Variants in DPP6 observed in about 807,000 individuals in gnomAD.
The protein encoded by DPP6 is A-type potassium channel modulatory protein DPP6.
Under a neutral mutation model 122.6 loss-of-function variants are expected in DPP6, and 69 were observed. That is an observed-to-expected ratio of 0.56 (90% CI 0.46 to 0.69). The LOEUF (loss-of-function observed/expected upper bound fraction) is 0.69. Ranked by LOEUF, DPP6 falls within the 30% of genes least tolerant of loss-of-function variation. The pLI is 0.00. For missense variants in DPP6, 928 were observed against 1,116.9 expected, an observed-to-expected ratio of 0.83 and a Z score of 2.41; for synonymous variants, 418 against 433.1, an observed-to-expected ratio of 0.97 and a Z score of 0.43.
At chr7:154,452,850 C>T (rs1046189981) in intron 2 of DPP6, among the ~76,000 whole-genome samples, 7 of 152,178 alleles carry the variant, frequency 4.6e-5, no homozygotes, top group African/African-American at 1.7e-4. Context: ...TTTTAGAAAT[C>T]AAATTAAAAG....
intron 7 of DPP6, among the ~76,000 whole-genome samples, chr7:154,687,220 G>T (rs951785749): frequency 1.3e-5 from 2 of 152,090 alleles, no homozygotes; most frequent in Non-Finnish European, 2.9e-5. Context: ...ATATTATCTT[G>T]TATGAACATG....
intron 18 of DPP6, among the ~76,000 whole-genome samples, chr7:154,870,073 G>C (rs1182351070): frequency 1.3e-5 from 2 of 151,354 alleles, no homozygotes; most frequent in African/African-American, 2.4e-5. Flanking sequence ...TTGACCTCCC[G>C]AGCTCAAGTG....
intron 1 of DPP6, among the ~76,000 whole-genome samples, chr7:154,060,299 C>A (rs1386838702): frequency 2.6e-5 from 3 of 117,224 alleles, no homozygotes; most frequent in Admixed American, 8.2e-5. Flanking sequence ...TCCCTCTTCC[C>A]CCCCTGGCTC....
intron 1 of DPP6, among the ~76,000 whole-genome samples, chr7:154,180,477 A>T (rs1025146426): frequency 6.9e-6 from 1 of 145,882 alleles, no homozygotes. Flanking sequence ...TATTTATATA[A>T]TGTTATATAA....
intron 1 of DPP6, among the ~76,000 whole-genome samples, chr7:154,227,240 A>G (rs1179865923): frequency 3.3e-5 from 5 of 152,160 alleles, no homozygotes; most frequent in African/African-American, 1.2e-4. Flanking sequence ...ACCCCTAGGA[A>G]TATTAATGGG....
At chr7:154,081,227 T>A (rs78248636) in intron 1 of DPP6, among the ~76,000 whole-genome samples, 22,670 of 144,024 alleles carry the variant, frequency 0.16, 2,080 homozygotes, top group Middle Eastern at 0.25. Context: ...AGTGAGGCCC[T>A]CTGTGGGGGA....
At chr7:154,325,673 C>T (rs192308082) in intron 1 of DPP6, among the ~76,000 whole-genome samples, 53 of 152,226 alleles carry the variant, frequency 3.5e-4, no homozygotes, top group Admixed American at 2.9e-3. Flanking sequence ...GCTTTATTTT[C>T]ATTAGAAACT....
At chr7:154,337,941 G>A (rs1809575342) in intron 1 of DPP6, among the ~76,000 whole-genome samples, 2 of 152,142 alleles carry the variant, frequency 1.3e-5, no homozygotes, top group African/African-American at 2.4e-5. Flanking sequence ...TTCAGCTCTC[G>A]GCCCGTGTGG....
At chr7:154,658,664 G>A (rs1837423913) in intron 6 of DPP6, among the ~76,000 whole-genome samples, 1 of 152,216 alleles carries the variant, frequency 6.6e-6, no homozygotes, top group African/African-American at 2.4e-5. Context: ...GTGGGTGTGG[G>A]AGGGAGAGCC....
chr7:153,959,114 C>T (rs543792956), intron 1 of DPP6, among the ~76,000 whole-genome samples: 19 of 152,084 alleles, frequency 1.2e-4, no homozygotes, highest in East Asian at 1.2e-3. Context: ...CGTTCCCATC[C>T]GATGCTTCTG....
chr7:154,784,690 G>C (rs973193502), intron 10 of DPP6, among the ~76,000 whole-genome samples: 1 of 152,032 alleles, frequency 6.6e-6, no homozygotes, highest in Non-Finnish European at 1.5e-5. Flanking sequence ...AATCAGGCAG[G>C]GGTGACTCTG....
intron 10 of DPP6, among the ~76,000 whole-genome samples, chr7:154,775,010 G>A (rs913773885): frequency 3.9e-5 from 6 of 152,196 alleles, no homozygotes; most frequent in African/African-American, 1.2e-4. Flanking sequence ...GGGCAGTCCT[G>A]TGTGCCGTAG....
intron 1 of DPP6, among the ~76,000 whole-genome samples, chr7:154,270,613 A>G (rs1226742945): frequency 2.0e-5 from 3 of 152,260 alleles, no homozygotes; most frequent in Non-Finnish European, 2.9e-5. Flanking sequence ...CTTTCCTAAT[A>G]AAGGAAGTAG....
chr7:154,804,164 C>T (rs941163614), intron 14 of DPP6, among the ~76,000 whole-genome samples: 6 of 152,288 alleles, frequency 3.9e-5, no homozygotes, highest in South Asian at 2.1e-4. Context: ...GTCCTGAGGA[C>T]GCAATTAGGC....
chr7:154,640,202 G>A (rs564700293), intron 6 of DPP6, among the ~76,000 whole-genome samples: 1 of 152,236 alleles, frequency 6.6e-6, no homozygotes, highest in East Asian at 1.9e-4. Flanking sequence ...GCAGTGAGCT[G>A]AGATTGCACC....
intron 20 of DPP6, among the ~76,000 whole-genome samples, chr7:154,878,877 G>T (rs1469458175): frequency 6.6e-6 from 1 of 152,232 alleles, no homozygotes; most frequent in Admixed American, 6.5e-5. Context: ...CATGTGCTAA[G>T]GAGCAGCAGA....
At chr7:154,267,375 A>ATATT (rs1803489446) in intron 1 of DPP6, among the ~76,000 whole-genome samples, 1 of 111,940 alleles carries the variant, frequency 8.9e-6, no homozygotes, top group East Asian at 2.6e-4. Context: ...CAAATTATAT[A>ATATT]TATATTTATC....
At chr7:154,750,576 C>A (rs28628686) in intron 8 of DPP6, among the ~76,000 whole-genome samples, 47 of 152,212 alleles carry the variant, frequency 3.1e-4, no homozygotes, top group African/African-American at 7.5e-4. Flanking sequence ...CGTCCCGCAC[C>A]GGGCAGAGCT....
At chr7:154,844,260 T>C (rs560901363) in intron 16 of DPP6, among the ~76,000 whole-genome samples, 1 of 152,202 alleles carries the variant, frequency 6.6e-6, no homozygotes, top group African/African-American at 2.4e-5. Context: ...AAAAAACCAA[T>C]GTGGTAAAAA....
Sources: gnomAD v4.1 joint callset for allele counts (sites outside exome capture counted in the v4.1 genomes callset) on GRCh38, gnomAD v4.1.1 for gene constraint, MANE v1.5 for transcripts, NCBI Gene and HGNC (gene_info 2026-07-23, HGNC 2026-07-21) for gene names.